The following SHISAL1 variants were observed in gnomAD, a reference collection of about 807,000 sequenced individuals.
The protein encoded by SHISAL1 is shisa like 1, also known as protein shisa-like-1.
SHISAL1 carries 9 observed loss-of-function variants against 22.6 expected under a neutral mutation model. That is an observed-to-expected ratio of 0.40 (90% confidence interval 0.24 to 0.70). SHISAL1 has a LOEUF of 0.70. SHISAL1 is among the 30% of genes least tolerant of loss of function. SHISAL1 has a pLI of 0.39. For synonymous variants in SHISAL1, 119 were observed against 115.4 expected (o/e 1.03, Z -0.20); for missense variants, 246 against 270.6 (o/e 0.91, Z 0.64).
At chr22:44,274,534 GTTAT>G (rs2055226474) in intron 4 of SHISAL1, among the ~76,000 whole-genome samples, 1 of 152,122 alleles carries the variant, frequency 6.6e-6, no homozygotes, top group Non-Finnish European at 1.5e-5. Context: ...TGGGATTGGT[GTTAT>G]TTATCATCGT....
intron 4 of SHISAL1, among the ~76,000 whole-genome samples, chr22:44,266,929 A>T (rs1423238727): frequency 6.6e-6 from 1 of 152,132 alleles, no homozygotes; most frequent in Non-Finnish European, 1.5e-5. Flanking sequence ...TTTGCTTCAG[A>T]AAGAAGCTGG....
At chr22:44,261,077 T>TATATATATATATATA (rs1555925738) in intron 4 of SHISAL1, among the ~76,000 whole-genome samples, 1 of 108,746 alleles carries the variant, frequency 9.2e-6, no homozygotes, top group Non-Finnish European at 1.8e-5. Flanking sequence ...CTTCATTACT[T>TATATATATATATATA]TATATATATA....
chr22:44,280,046 G>A (rs2055265464), intron 4 of SHISAL1, among the ~76,000 whole-genome samples: 1 of 152,132 alleles, frequency 6.6e-6, no homozygotes, highest in South Asian at 2.1e-4. Context: ...CTGGGGCTAG[G>A]CAGCCTCCTC....
chr22:44,265,819 T>C (rs2147276434), intron 4 of SHISAL1, among the ~76,000 whole-genome samples: 1 of 152,326 alleles, frequency 6.6e-6, no homozygotes, highest in Admixed American at 6.5e-5. Context: ...CCCTGCTTAC[T>C]GAGGCCAGCA....
intron 4 of SHISAL1, among the ~76,000 whole-genome samples, chr22:44,250,369 G>A (rs1208256087): frequency 6.6e-6 from 1 of 152,170 alleles, no homozygotes; most frequent in Non-Finnish European, 1.5e-5. Flanking sequence ...AGGTGCTCCT[G>A]GAATAGGGAA....
At chr22:44,270,704 G>A (rs16991723) in intron 4 of SHISAL1, among the ~76,000 whole-genome samples, 9,999 of 152,156 alleles carry the variant, frequency 0.066, 1,127 homozygotes, top group African/African-American at 0.23. Context: ...GCCGGACACA[G>A]ACGGAAAACC....
intron 1 of SHISAL1, among the ~76,000 whole-genome samples, chr22:44,303,071 C>A (rs1221253840): frequency 6.6e-6 from 1 of 152,052 alleles, no homozygotes; most frequent in East Asian, 1.9e-4. Flanking sequence ...TAGGACAGGC[C>A]ATCTAAGTGC....
At chr22:44,265,034 G>A (rs767961038) in intron 4 of SHISAL1, among the ~76,000 whole-genome samples, 1 of 152,024 alleles carries the variant, frequency 6.6e-6, no homozygotes, top group Admixed American at 6.5e-5. Flanking sequence ...CCAGAGTGTT[G>A]ACTTTTCCCT....
chr22:44,294,312 C>T (rs539580489), intron 3 of SHISAL1, among the ~76,000 whole-genome samples: 32 of 152,254 alleles, frequency 2.1e-4, no homozygotes, highest in African/African-American at 7.5e-4. Flanking sequence ...GGGAGCTGGC[C>T]TAGGTGGGAG....
chr22:44,294,437 C>T (rs1436677349), intron 3 of SHISAL1, among the ~76,000 whole-genome samples: 1 of 152,162 alleles, frequency 6.6e-6, no homozygotes, highest in Non-Finnish European at 1.5e-5. Context: ...CCACCACCTC[C>T]CTTCAACAAA....
the SHISAL1 span, among the ~76,000 whole-genome samples, chr22:44,321,818 C>G: frequency 6.6e-6 from 1 of 151,984 alleles, no homozygotes; most frequent in Non-Finnish European, 1.5e-5. Context: ...AGGTGTCTCT[C>G]CTCCCCAAAG....
chr22:44,300,726 C>T (rs895212857), intron 2 of SHISAL1, among the ~76,000 whole-genome samples, 153 bp downstream of exon 2: 11 of 152,166 alleles, frequency 7.2e-5, no homozygotes, highest in African/African-American at 2.7e-4. Flanking sequence ...CAGCAACCAA[C>T]ATCAGCTGCT....
At chr22:44,278,266 A>G (rs2055253335) in intron 4 of SHISAL1, among the ~76,000 whole-genome samples, 1 of 152,170 alleles carries the variant, frequency 6.6e-6, no homozygotes, top group Non-Finnish European at 1.5e-5. Context: ...TCAGACTCCA[A>G]CCAAGTTCTT....
chr22:44,322,379 C>G, the SHISAL1 span, among the ~76,000 whole-genome samples: 1 of 152,144 alleles, frequency 6.6e-6, no homozygotes, highest in Non-Finnish European at 1.5e-5. Flanking sequence ...CCCCAGGTGC[C>G]CCCTCTACCC....
intron 1 of SHISAL1, among the ~76,000 whole-genome samples, chr22:44,312,083 C>G (rs1051000294): frequency 6.6e-6 from 1 of 152,198 alleles, no homozygotes; most frequent in Non-Finnish European, 1.5e-5. Flanking sequence ...TCCCCAGAAC[C>G]CCTTCCTCAC....
At chr22:44,254,605 T>A (rs1281460221) in intron 4 of SHISAL1, among the ~76,000 whole-genome samples, 2 of 152,128 alleles carry the variant, frequency 1.3e-5, no homozygotes, top group African/African-American at 4.8e-5. Flanking sequence ...CAAGCAATCC[T>A]CCTGCCTTGG....
chr22:44,327,230 TGG>T, the SHISAL1 span, among the ~76,000 whole-genome samples: 29,494 of 132,324 alleles, frequency 0.22, 3,859 homozygotes, highest in African/African-American at 0.37. Context: ...CTGTGGAGAG[TGG>T]GGGGCGCGCA....
intron 4 of SHISAL1, among the ~76,000 whole-genome samples, chr22:44,280,974 A>C (rs116825435): frequency 0.011 from 1,674 of 152,284 alleles, 40 homozygotes; most frequent in African/African-American, 0.038. Flanking sequence ...CCACAGCCTC[A>C]GTGATGATGA....
intron 2 of SHISAL1, among the ~76,000 whole-genome samples, chr22:44,298,712 C>G (rs927091310): frequency 2.6e-5 from 4 of 152,208 alleles, no homozygotes; most frequent in African/African-American, 9.6e-5. Context: ...CATGGGGAGG[C>G]AGCCTTTGAG....
Sources: allele counts gnomAD v4.1 joint callset (sites outside exome capture counted in the v4.1 genomes callset), GRCh38; gene constraint gnomAD v4.1.1; transcripts MANE v1.5; gene names NCBI Gene and HGNC (gene_info 2026-07-23, HGNC 2026-07-21).